Variants in SOBP observed in about 807,000 individuals in gnomAD.
The protein encoded by SOBP is sine oculis-binding protein homolog.
In SOBP, 4 loss-of-function variants were observed where a neutral mutation model predicts 53.6. The ratio of observed to expected loss-of-function variants is 0.07; its 90% confidence interval spans 0.04 to 0.17. SOBP has a LOEUF of 0.17. SOBP is among the 10% of genes least tolerant of loss of function. The probability of loss-of-function intolerance (pLI) is 1.00; values close to 1 mark genes in which losing one functional copy is unlikely to be tolerated. For synonymous variants in SOBP, 584 were observed against 522.6 expected (o/e 1.12, Z -1.60); for missense variants, 1,088 against 1,204.7 (o/e 0.90, Z 1.43).
chr6:107,531,302 C>T (rs1783818163), intron 3 of SOBP, among the ~76,000 whole-genome samples: 1 of 152,206 alleles, frequency 6.6e-6, no homozygotes, highest in Non-Finnish European at 1.5e-5. Flanking sequence ...TTTTTCCTTA[C>T]AGATTTCACC....
chr6:107,638,466 C>T (rs1181030968), intron 6 of SOBP, among the ~76,000 whole-genome samples: 1 of 152,188 alleles, frequency 6.6e-6, no homozygotes, highest in African/African-American at 2.4e-5. Flanking sequence ...CCACCTCGGC[C>T]TCCCAAAGTG....
At chr6:107,642,129 G>A (rs1334638517) in intron 6 of SOBP, among the ~76,000 whole-genome samples, 3 of 152,162 alleles carry the variant, frequency 2.0e-5, no homozygotes, top group African/African-American at 7.2e-5. Flanking sequence ...TTTAGCACTG[G>A]CATCGTTTAA....
intron 4 of SOBP, among the ~76,000 whole-genome samples, chr6:107,572,667 C>T (rs142472575): frequency 3.9e-5 from 6 of 152,306 alleles, no homozygotes; most frequent in South Asian, 2.1e-4. Context: ...ATCTCCCTGT[C>T]GTTTATCTTT....
chr6:107,610,063 A>G (rs1478483498), intron 5 of SOBP, among the ~76,000 whole-genome samples: 1 of 152,204 alleles, frequency 6.6e-6, no homozygotes, highest in Non-Finnish European at 1.5e-5. Flanking sequence ...TATCCAGTTG[A>G]AGGCCCCTTG....
intron 5 of SOBP, among the ~76,000 whole-genome samples, chr6:107,624,531 TAGA>T (rs1286805664): frequency 2.6e-5 from 4 of 152,180 alleles, no homozygotes; most frequent in Admixed American, 2.0e-4. Flanking sequence ...AAACAGTAGG[TAGA>T]AGTGACAGGG....
At chr6:107,579,578 A>G (rs575325685) in intron 4 of SOBP, among the ~76,000 whole-genome samples, 251 of 152,270 alleles carry the variant, frequency 1.6e-3, no homozygotes, top group Admixed American at 2.2e-3. Context: ...ATCTGTTGCC[A>G]TAACTGTCAC....
intron 3 of SOBP, among the ~76,000 whole-genome samples, chr6:107,508,335 T>C (rs570078186): frequency 6.6e-6 from 1 of 152,282 alleles, no homozygotes; most frequent in South Asian, 2.1e-4. Flanking sequence ...TCCCAGCACT[T>C]TGGGAGGCCA....
At chr6:107,512,373 G>A (rs182234736) in intron 3 of SOBP, among the ~76,000 whole-genome samples, 98 of 152,338 alleles carry the variant, frequency 6.4e-4, no homozygotes, top group African/African-American at 2.3e-3. Context: ...GGCATGGATT[G>A]TAAGAACTGT....
chr6:107,548,940 AAAATAAAT>A (rs1002939611), intron 4 of SOBP, among the ~76,000 whole-genome samples: 1 of 151,998 alleles, frequency 6.6e-6, no homozygotes, highest in Non-Finnish European at 1.5e-5. Context: ...TTATTTCTAA[AAAATAAAT>A]AAATAAATAA....
At chr6:107,638,249 C>T (rs1437988872) in intron 6 of SOBP, among the ~76,000 whole-genome samples, 1 of 152,194 alleles carries the variant, frequency 6.6e-6, no homozygotes, top group Non-Finnish European at 1.5e-5. Flanking sequence ...CTCAATCTGT[C>T]ACCCAGGCTG....
At chr6:107,512,418 C>T (rs930509241) in intron 3 of SOBP, among the ~76,000 whole-genome samples, 1 of 152,198 alleles carries the variant, frequency 6.6e-6, no homozygotes, top group African/African-American at 2.4e-5. Context: ...ATTTGGCCTT[C>T]TCTGGTTTTA....
intron 6 of SOBP, among the ~76,000 whole-genome samples, chr6:107,646,082 A>C (rs1397849216): frequency 6.6e-6 from 1 of 152,254 alleles, no homozygotes; most frequent in Non-Finnish European, 1.5e-5. Flanking sequence ...AAATTACTTG[A>C]GCAGCTCTTT....
Position 107,634,446 on chromosome 6 carries a change from G to T in SOBP, c.1602G>T (p.Pro534=). 6.2e-7 allele frequency: 1 copy of T among 1,608,876 alleles called. No homozygotes were observed. Residue 534 remains proline (P), a synonymous_variant, in exon 6 of 7, where the codon CCG becomes CCT. Transcript: ENST00000317357. The surrounding 1 kb of genome is among the most constrained non-coding windows in gnomAD (Gnocchi z 4.5). ...LVPYPVIVPL[P]VPIPIPIPIP... is the part of the protein sequence containing the mutation. ...CGTACCCCGTGATCGTGCCCCTACC[G>T]GTGCCCATCCCCATCCCCATCCCTA...
intron 5 of SOBP, among the ~76,000 whole-genome samples, chr6:107,604,131 G>A (rs1786281576): frequency 6.6e-6 from 1 of 152,210 alleles, no homozygotes; most frequent in South Asian, 2.1e-4. Flanking sequence ...TTTTGAGAAT[G>A]CTGTGAATTA....
At chr6:107,517,243 A>G (rs1783348400) in intron 3 of SOBP, among the ~76,000 whole-genome samples, 1 of 152,246 alleles carries the variant, frequency 6.6e-6, no homozygotes, top group African/African-American at 2.4e-5. Flanking sequence ...TAGTCAGCTC[A>G]GGCTGACATA....
At chr6:107,598,462 G>T (rs142013888) in intron 5 of SOBP, among the ~76,000 whole-genome samples, 2 of 152,172 alleles carry the variant, frequency 1.3e-5, no homozygotes, top group Non-Finnish European at 2.9e-5. Flanking sequence ...AGAGGGGTGC[G>T]CATCATGCAT....
intron 4 of SOBP, among the ~76,000 whole-genome samples, chr6:107,536,098 G>A (rs752044050): frequency 6.6e-6 from 1 of 152,076 alleles, no homozygotes; most frequent in Non-Finnish European, 1.5e-5. Flanking sequence ...TGAATAATGT[G>A]TGTGTGTGCA....
intron 5 of SOBP, among the ~76,000 whole-genome samples, chr6:107,595,262 C>T (rs1785903511): frequency 6.6e-6 from 1 of 150,754 alleles, no homozygotes; most frequent in Non-Finnish European, 1.5e-5. Context: ...ATTAAAAGAT[C>T]AGCTGTAGAC....
intron 4 of SOBP, among the ~76,000 whole-genome samples, chr6:107,534,047 T>C (rs1783920584): frequency 6.6e-6 from 1 of 152,252 alleles, no homozygotes; most frequent in Non-Finnish European, 1.5e-5. Context: ...ATTGCTCTTT[T>C]CAAAATCTGG....
Sources: gnomAD v4.1 joint callset for allele counts (sites outside exome capture counted in the v4.1 genomes callset) on GRCh38, gnomAD v4.1.1 for gene constraint, Gnocchi (gnomAD v3.1) non-coding constraint, MANE v1.5 for transcripts, NCBI Gene and HGNC (gene_info 2026-07-23, HGNC 2026-07-21) for gene names.